Variants in KCNT2 observed in about 807,000 individuals in gnomAD.
The protein encoded by KCNT2 is potassium channel subfamily T member 2.
A neutral mutation model predicts 153.8 loss-of-function variants in KCNT2; 67 were observed. The observed-to-expected ratio is 0.44, with a 90% CI of 0.36 to 0.53. The LOEUF (loss-of-function observed/expected upper bound fraction) is 0.53, where lower values mean the gene tolerates loss of function less well. KCNT2 is among the 20% of genes least tolerant of loss of function. The pLI is 0.00. For synonymous variants in KCNT2, 500 were observed against 458.8 expected, an observed-to-expected ratio of 1.09 and a Z score of -1.15; for missense variants, 975 against 1,354.8, an observed-to-expected ratio of 0.72 and a Z score of 4.40.
intron 16 of KCNT2, among the ~76,000 whole-genome samples, chr1:196,338,884 G>T (rs991516905): frequency 1.3e-5 from 2 of 149,490 alleles, no homozygotes; most frequent in East Asian, 2.0e-4. Context: ...GAGAAGAGCG[G>T]GTGGTGAAAA....
At chr1:196,429,470 T>C in intron 9 of KCNT2, 107 bp downstream of exon 9, 3 of 592,072 alleles carry the variant, frequency 5.1e-6, no homozygotes, top group Non-Finnish European at 8.7e-6. Context: ...TATGTGTTAG[T>C]AAATTAGTGT....
At chr1:196,347,282 T>A (rs1305468806) in intron 14 of KCNT2, among the ~76,000 whole-genome samples, 2 of 152,200 alleles carry the variant, frequency 1.3e-5, no homozygotes, top group Non-Finnish European at 2.9e-5. Flanking sequence ...TCTATCCCAA[T>A]TTTCTATTTT....
chr1:196,440,282 G>A (rs1467927749), intron 8 of KCNT2, among the ~76,000 whole-genome samples: 1 of 151,876 alleles, frequency 6.6e-6, no homozygotes, highest in East Asian at 1.9e-4. Context: ...TTCATTGTAT[G>A]TATATGTTCC....
At chr1:196,438,386 C>A (rs1674918358) in intron 8 of KCNT2, among the ~76,000 whole-genome samples, 1 of 151,814 alleles carries the variant, frequency 6.6e-6, no homozygotes, top group Non-Finnish European at 1.5e-5. Flanking sequence ...GCAGCAGACA[C>A]CATCCAGGGA....
At chr1:196,429,895 AG>A in intron 8 of KCNT2, 138 bp from the exon 9 acceptor site, 2 of 593,606 alleles carry the variant, frequency 3.4e-6, no homozygotes, top group Non-Finnish European at 5.9e-6. Flanking sequence ...ATATTTTTCT[AG>A]GAAAGATATA....
chr1:196,394,023 A>C (rs1474448450), intron 13 of KCNT2, among the ~76,000 whole-genome samples: 1 of 151,654 alleles, frequency 6.6e-6, no homozygotes, highest in Non-Finnish European at 1.5e-5. Flanking sequence ...CTGGAAAAAA[A>C]ATGATTTGAC....
chr1:196,561,712 C>T (rs1036888355), intron 1 of KCNT2, among the ~76,000 whole-genome samples: 6 of 122,718 alleles, frequency 4.9e-5, no homozygotes, highest in Admixed American at 4.8e-4. Context: ...CAGAAATGCT[C>T]GTTACACAGC....
intron 8 of KCNT2, among the ~76,000 whole-genome samples, chr1:196,430,247 A>T (rs916147886): frequency 2.0e-5 from 3 of 151,966 alleles, no homozygotes; most frequent in African/African-American, 7.2e-5. Context: ...TCCAAAACTC[A>T]TGTTAAAATT....
At chr1:196,344,757 T>C (rs1665989488) in intron 14 of KCNT2, among the ~76,000 whole-genome samples, 1 of 152,190 alleles carries the variant, frequency 6.6e-6, no homozygotes, top group Non-Finnish European at 1.5e-5. Flanking sequence ...ATGGATGGAA[T>C]CGGACTAGGA....
chr1:196,552,384 C>T (rs566321035), intron 1 of KCNT2, among the ~76,000 whole-genome samples: 256 of 151,154 alleles, frequency 1.7e-3, no homozygotes, highest in Non-Finnish European at 2.9e-3. Context: ...CTAAAACATC[C>T]CTGTTTTACT....
intron 1 of KCNT2, among the ~76,000 whole-genome samples, chr1:196,529,092 G>T (rs781025128): frequency 6.6e-6 from 1 of 151,986 alleles, no homozygotes; most frequent in Non-Finnish European, 1.5e-5. Flanking sequence ...GCAATGTAAC[G>T]GCTTAAAGTC....
intron 5 of KCNT2, among the ~76,000 whole-genome samples, chr1:196,471,576 T>C (rs925127691): frequency 3.3e-5 from 5 of 152,134 alleles, no homozygotes; most frequent in Admixed American, 2.6e-4. Flanking sequence ...CAAGAAGAGA[T>C]TGATCTGAGT....
intron 14 of KCNT2, among the ~76,000 whole-genome samples, chr1:196,354,772 T>A (rs1667034979): frequency 6.6e-6 from 1 of 151,836 alleles, no homozygotes; most frequent in African/African-American, 2.4e-5. Flanking sequence ...TGCACTTTAT[T>A]TAATTCCATA....
intron 14 of KCNT2, among the ~76,000 whole-genome samples, chr1:196,345,205 T>C (rs1209714024): frequency 6.6e-6 from 1 of 152,052 alleles, no homozygotes; most frequent in East Asian, 1.9e-4. Flanking sequence ...GCAAATTGTG[T>C]TGTGTTTAGA....
chr1:196,250,920 A>T (rs1004846279), intron 26 of KCNT2, among the ~76,000 whole-genome samples: 7 of 152,174 alleles, frequency 4.6e-5, no homozygotes, highest in African/African-American at 1.2e-4. Flanking sequence ...AACTACCATG[A>T]TATATCATCT....
chr1:196,535,377 C>A (rs1372557700), intron 1 of KCNT2, among the ~76,000 whole-genome samples: 1 of 152,160 alleles, frequency 6.6e-6, no homozygotes, highest in South Asian at 2.1e-4. Context: ...AAGATAGTAT[C>A]AGTAACACAT....
chr1:196,275,418 T>C (rs901518601), intron 25 of KCNT2, among the ~76,000 whole-genome samples: 2 of 151,608 alleles, frequency 1.3e-5, no homozygotes, highest in Non-Finnish European at 1.5e-5. Flanking sequence ...GCTGTGTTTG[T>C]GTGACTTCTC....
At chr1:196,497,317 G>A (rs1680333114) in intron 1 of KCNT2, among the ~76,000 whole-genome samples, 1 of 151,974 alleles carries the variant, frequency 6.6e-6, no homozygotes, top group Admixed American at 6.6e-5. Flanking sequence ...GTTTTATTAG[G>A]TATTTAGTAG....
chr1:196,241,438 C>T lies in KCNT2; in HGVS notation c.3212-5368G>A, dbSNP rs144080799. ...TAGTGCCAAATTATGTTTATGAGTA[C>T]AACTATTTCATCTATTGTTACTGAA... On this transcript the variant is annotated intron_variant, in intron 26 of 27. Transcript: ENST00000294725. 7.6e-4 allele frequency among the ~76,000 whole-genome samples: 115 copies of T among 152,034 alleles called. 2 individuals carry two copies. The East Asian group carries it at 0.021, about 27-fold the overall frequency.
Sources: gnomAD v4.1 joint callset for allele counts (sites outside exome capture counted in the v4.1 genomes callset) on GRCh38, gnomAD v4.1.1 for gene constraint, MANE v1.5 for transcripts, NCBI Gene and HGNC (gene_info 2026-07-23, HGNC 2026-07-21) for gene names.